The following FER1L6 variants were observed in gnomAD, a reference collection of about 807,000 sequenced individuals.
The protein encoded by FER1L6 is fer-1-like protein 6.
Under a neutral mutation model 219.2 loss-of-function variants are expected in FER1L6, and 177 were observed. The observed-to-expected ratio is 0.81, with a 90% CI of 0.71 to 0.91. The LOEUF (loss-of-function observed/expected upper bound fraction) is 0.91, where lower values mean the gene tolerates loss of function less well. Among genes scored for constraint, FER1L6 ranks in the 40% least tolerant of loss-of-function variants. The probability of loss-of-function intolerance (pLI) is 0.00; values close to 1 mark genes in which losing one functional copy is unlikely to be tolerated. For missense variants in FER1L6, 2,153 were observed against 2,259.9 expected (o/e 0.95, Z 0.96); for synonymous variants, 768 against 824.3 (o/e 0.93, Z 1.17).
intron 1 of FER1L6, among the ~76,000 whole-genome samples, chr8:123,928,577 C>A (rs1015828005): frequency 7.2e-5 from 11 of 152,202 alleles, no homozygotes; most frequent in African/African-American, 2.7e-4. Flanking sequence ...CCAGGGCTAT[C>A]TGTGGTGAGG....
At chr8:123,868,043 T>C (rs1816865724) in intron 1 of FER1L6, among the ~76,000 whole-genome samples, 1 of 152,228 alleles carries the variant, frequency 6.6e-6, no homozygotes, top group African/African-American at 2.4e-5. Flanking sequence ...ACATGTACTT[T>C]TTTGTGTCTC....
intron 12 of FER1L6, among the ~76,000 whole-genome samples, chr8:123,997,360 G>T (rs1030172659): frequency 6.6e-6 from 1 of 152,110 alleles, no homozygotes; most frequent in Non-Finnish European, 1.5e-5. Context: ...GGCCTGTAAG[G>T]TTTCCACTGA....
intron 1 of FER1L6, among the ~76,000 whole-genome samples, chr8:123,878,386 A>G (rs562060896): frequency 1.3e-5 from 2 of 152,218 alleles, no homozygotes; most frequent in Non-Finnish European, 2.9e-5. Context: ...AATAAGTTAA[A>G]TATTGGGCAA....
At chr8:124,069,964 A>G (rs1396515983) in intron 29 of FER1L6, among the ~76,000 whole-genome samples, 1 of 152,236 alleles carries the variant, frequency 6.6e-6, no homozygotes, top group African/African-American at 2.4e-5. Context: ...GGAAAGTTGA[A>G]TAAGTAAATT....
chr8:123,962,425 T>C (rs1815331108), intron 2 of FER1L6, among the ~76,000 whole-genome samples: 2 of 152,052 alleles, frequency 1.3e-5, no homozygotes, highest in Non-Finnish European at 2.9e-5. Flanking sequence ...TAGGAGTGCA[T>C]GACTTAAGCT....
chr8:124,021,474 G>T, intron 16 of FER1L6, 76 bp from the exon 17 acceptor site: 1 of 1,586,038 alleles, frequency 6.3e-7, no homozygotes, highest in Admixed American at 1.7e-5. Context: ...AGGACCTTCA[G>T]GTCTCTTCAG....
chr8:124,091,074 G>A (rs929574078), intron 33 of FER1L6, among the ~76,000 whole-genome samples: 1 of 152,034 alleles, frequency 6.6e-6, no homozygotes, highest in Non-Finnish European at 1.5e-5. Context: ...GAAACTTTTT[G>A]GAACTAGATA....
At chr8:123,962,855 T>C (rs1199925471) in intron 2 of FER1L6, among the ~76,000 whole-genome samples, 1 of 152,142 alleles carries the variant, frequency 6.6e-6, no homozygotes, top group Non-Finnish European at 1.5e-5. Context: ...CTCAAACTCC[T>C]GTCCTCAGGT....
chr8:123,936,478 T>C (rs199640236), intron 1 of FER1L6, among the ~76,000 whole-genome samples: 2,576 of 143,270 alleles, frequency 0.018, 43 homozygotes, highest in Middle Eastern at 0.039. Context: ...TTTTTTTTTT[T>C]TTTTTTTTGT....
intron 1 of FER1L6, among the ~76,000 whole-genome samples, chr8:123,905,171 C>G (rs138906678): frequency 1.8e-3 from 267 of 152,288 alleles, no homozygotes; most frequent in African/African-American, 6.2e-3. Context: ...TGGTTTGCAA[C>G]TATCAACCCA....
intron 31 of FER1L6, among the ~76,000 whole-genome samples, chr8:124,072,464 G>A (rs910207303): frequency 1.3e-5 from 2 of 152,134 alleles, no homozygotes; most frequent in African/African-American, 4.8e-5. Context: ...CCTGACCTTG[G>A]ATGTGGTTTT....
rs183346419 is a variant in FER1L6, at chr8:123,900,815, C to T, written c.-8+48630C>T. Among the ~76,000 whole-genome samples the T allele has an allele frequency of 1.2e-3, 186 of 152,180 alleles. 1 individual carries two copies. Among genetic ancestry groups the T allele is most frequent in the Non-Finnish European group, 1.1e-3 (73 of 68,014 alleles). Reference sequence around the variant, plus strand: ...GTGGAGTATCACATTTATTGACTTGCGTATGTTAAACCATCTCTGCATCCC... The same window carrying T: ...GTGGAGTATCACATTTATTGACTTGTGTATGTTAAACCATCTCTGCATCCC... On this transcript the variant is annotated intron_variant, in intron 1 of 40. Transcript: ENST00000522917.
intron 13 of FER1L6, among the ~76,000 whole-genome samples, chr8:124,007,998 A>G (rs1288782652): frequency 6.6e-6 from 1 of 152,198 alleles, no homozygotes; most frequent in African/African-American, 2.4e-5. Flanking sequence ...TTACATGAGT[A>G]AATTCTTTAG....
At chr8:123,909,919 C>T (rs1449314607) in intron 1 of FER1L6, among the ~76,000 whole-genome samples, 1 of 152,132 alleles carries the variant, frequency 6.6e-6, no homozygotes, top group African/African-American at 2.4e-5. Context: ...AATTCCTCAT[C>T]AATCAGGACT....
intron 5 of FER1L6, among the ~76,000 whole-genome samples, chr8:123,967,891 G>T (rs1263687833): frequency 1.3e-5 from 2 of 152,062 alleles, no homozygotes; most frequent in African/African-American, 4.8e-5. Flanking sequence ...GGGAGGTGGA[G>T]GTTGCAGTGA....
At chr8:123,964,325 T>C (rs1430519114) in intron 3 of FER1L6, among the ~76,000 whole-genome samples, 1 of 152,210 alleles carries the variant, frequency 6.6e-6, no homozygotes. Context: ...CCCTTCCCTT[T>C]CTTTTTCACT....
chr8:123,951,395 A>G (rs943261959), intron 1 of FER1L6, among the ~76,000 whole-genome samples: 2 of 152,234 alleles, frequency 1.3e-5, no homozygotes, highest in Admixed American at 1.3e-4. Context: ...ATGGAGAGAG[A>G]GAACTTACAG....
intron 3 of FER1L6, among the ~76,000 whole-genome samples, 199 bp from the exon 4 acceptor site, chr8:123,965,808 C>T (rs1289363749): frequency 6.6e-6 from 1 of 152,128 alleles, no homozygotes; most frequent in Non-Finnish European, 1.5e-5. Flanking sequence ...CTCAGAAATG[C>T]TATTACAAGC....
At chr8:123,893,797 GGACT>G (rs1462466393) in intron 1 of FER1L6, among the ~76,000 whole-genome samples, 6 of 152,272 alleles carry the variant, frequency 3.9e-5, no homozygotes, top group African/African-American at 1.4e-4. Flanking sequence ...CAAGTATGTG[GGACT>G]GAAGCCTGTT....
Sources: gnomAD v4.1 joint callset for allele counts (sites outside exome capture counted in the v4.1 genomes callset) on GRCh38, gnomAD v4.1.1 for gene constraint, MANE v1.5 for transcripts, NCBI Gene and HGNC (gene_info 2026-07-23, HGNC 2026-07-21) for gene names.